The following GABRB3 variants were observed in gnomAD, a reference collection of about 807,000 sequenced individuals.
GABRB3 encodes the protein gamma-aminobutyric acid receptor subunit beta-3.
Under a neutral mutation model 52.1 loss-of-function variants are expected in GABRB3, and 14 were observed. That is an observed-to-expected ratio of 0.27 (90% confidence interval 0.18 to 0.42). The LOEUF (loss-of-function observed/expected upper bound fraction) is 0.42, where lower values mean the gene tolerates loss of function less well. Among genes scored for constraint, GABRB3 ranks in the 10% least tolerant of loss-of-function variants. GABRB3 has a pLI of 1.00. For missense variants in GABRB3, 307 were observed against 609.1 expected (o/e 0.50, Z 5.22); for synonymous variants, 260 against 232.3 (o/e 1.12, Z -1.08).
chr15:26,603,442 T>A (rs1595474250), intron 4 of GABRB3, among the ~76,000 whole-genome samples: 1 of 151,332 alleles, frequency 6.6e-6, no homozygotes, highest in Non-Finnish European at 1.5e-5. Flanking sequence ...ACCAGAAAAA[T>A]ATATACAAAA....
At chr15:26,572,711 C>T (rs1477220576) in intron 6 of GABRB3, among the ~76,000 whole-genome samples, 1 of 152,150 alleles carries the variant, frequency 6.6e-6, no homozygotes, top group Non-Finnish European at 1.5e-5. Flanking sequence ...TAAGACATCC[C>T]TTTTAAAATG....
chr15:26,568,500 CTTTT>C (rs11419760), intron 6 of GABRB3, among the ~76,000 whole-genome samples: 26,159 of 137,698 alleles, frequency 0.19, 2,888 homozygotes, highest in Admixed American at 0.26. Flanking sequence ...GTTTTCCTTT[CTTTT>C]TTTTTTTTTT....
intron 4 of GABRB3, chr15:26,612,355 T>A (rs1469731083): frequency 6.6e-6 from 1 of 152,080 alleles, no homozygotes; most frequent in African/African-American, 2.4e-5. Flanking sequence ...AACTAAACTG[T>A]TGAAAATAAT....
intron 3 of GABRB3, among the ~76,000 whole-genome samples, chr15:26,643,550 G>A (rs972310303): frequency 3.3e-5 from 5 of 150,826 alleles, no homozygotes; most frequent in South Asian, 2.1e-4. Context: ...AGAGGTCAAC[G>A]CTCCTATCAT....
rs533291741 is a variant in GABRB3 at position 26,546,340 on chromosome 15, G to A, written c.*1453C>T. 5.9e-5 allele frequency: 9 copies of A among 152,032 alleles called. No individual in the cohort carries two copies. Among genetic ancestry groups the A allele is most frequent in the Admixed American group, 1.3e-4 (2 of 15,234 alleles). The allele number at this position is 152,032 out of a possible 1,614,324, so 9.4% of individuals were successfully genotyped here. On this transcript the variant is annotated 3_prime_UTR_variant, in exon 9 of 9. Transcript: ENST00000311550. ...TCTTTAGAAAGATCTCATCTAAATA[G>A]TAAGTTAAGGTTGCGTCTATGAAAC...
chr15:26,734,908 C>A (rs1890027203), intron 3 of GABRB3, among the ~76,000 whole-genome samples: 1 of 152,062 alleles, frequency 6.6e-6, no homozygotes, highest in Non-Finnish European at 1.5e-5. Context: ...ACAGCAAGAA[C>A]CAGTCAAAAC....
intron 6 of GABRB3, among the ~76,000 whole-genome samples, chr15:26,579,854 G>C (rs1280438637): frequency 6.6e-6 from 1 of 152,066 alleles, no homozygotes; most frequent in Non-Finnish European, 1.5e-5. Context: ...ATGTCTAATG[G>C]GGCAAGGCGG....
intron 3 of GABRB3, among the ~76,000 whole-genome samples, chr15:26,648,930 C>A (rs1887103419): frequency 6.6e-6 from 1 of 152,010 alleles, no homozygotes; most frequent in African/African-American, 2.4e-5. Flanking sequence ...GGGGTGCCTG[C>A]AGAGTGGGTG....
At chr15:26,654,634 AC>A (rs1349363110) in intron 3 of GABRB3, among the ~76,000 whole-genome samples, 22 of 152,106 alleles carry the variant, frequency 1.4e-4, no homozygotes, top group African/African-American at 4.8e-4. Flanking sequence ...GGTGGCACAC[AC>A]CTGTAGTCCC....
rs547432876 is a variant in GABRB3 at position 26,767,910 on chromosome 15, T to G, written c.240+4492A>C. 1.4e-4 allele frequency among the ~76,000 whole-genome samples: 22 copies of G among 152,314 alleles called. No individual in the cohort carries two copies. The East Asian group carries it at 4.0e-3, about 28-fold the overall frequency. On this transcript the variant is annotated intron_variant, in intron 3 of 8. Transcript: ENST00000311550. Reference sequence around the variant, plus strand: ...TAGTGCAAATGTGTGTGTGTGTGATTTTTGTACATGGGTATGACTGTATCC... The same window carrying G: ...TAGTGCAAATGTGTGTGTGTGTGATGTTTGTACATGGGTATGACTGTATCC...
chr15:26,656,882 C>G (rs1473610853), intron 3 of GABRB3: 1 of 152,190 alleles, frequency 6.6e-6, no homozygotes, highest in Non-Finnish European at 1.5e-5. Context: ...TTTTGAGATC[C>G]TTGTTGATCT....
chr15:26,770,920 T>C (rs1314322633), intron 3 of GABRB3, among the ~76,000 whole-genome samples: 1 of 152,238 alleles, frequency 6.6e-6, no homozygotes, highest in Non-Finnish European at 1.5e-5. Context: ...TACTGTAAGG[T>C]AATTTATGCA....
chr15:26,637,635 A>C (rs1255956584), intron 3 of GABRB3, among the ~76,000 whole-genome samples: 1 of 152,190 alleles, frequency 6.6e-6, no homozygotes, highest in African/African-American at 2.4e-5. Context: ...AGATTGGTTG[A>C]TAGCCTTGGA....
At chr15:26,680,851 T>G (rs1005733778) in intron 3 of GABRB3, among the ~76,000 whole-genome samples, 3 of 152,170 alleles carry the variant, frequency 2.0e-5, no homozygotes, top group African/African-American at 7.2e-5. Flanking sequence ...GAGGGGTTTG[T>G]TGTCAAACTC....
intron 3 of GABRB3, among the ~76,000 whole-genome samples, chr15:26,628,551 C>A (rs1018940774): frequency 6.6e-6 from 1 of 152,154 alleles, no homozygotes; most frequent in African/African-American, 2.4e-5. Context: ...TGATCTAAAC[C>A]TAGAAGTAAA....
intron 8 of GABRB3, among the ~76,000 whole-genome samples, chr15:26,555,356 G>T (rs990470540): frequency 2.0e-5 from 3 of 152,128 alleles, no homozygotes; most frequent in African/African-American, 7.2e-5. Context: ...AACTGCACAG[G>T]GAGAATGAAG....
chr15:26,663,394 G>A (rs117781964), intron 3 of GABRB3, among the ~76,000 whole-genome samples: 1,554 of 152,192 alleles, frequency 0.01, 19 homozygotes, highest in Middle Eastern at 0.027. Context: ...TTGGTATCAC[G>A]AATTTCATGG....
chr15:26,754,882 C>G (rs1890613980), intron 3 of GABRB3, among the ~76,000 whole-genome samples: 1 of 152,144 alleles, frequency 6.6e-6, no homozygotes, highest in African/African-American at 2.4e-5. Flanking sequence ...CACTCAAACA[C>G]CCGAGGGGTC....
rs377215030 is a variant in GABRB3, at chr15:26,547,873, T to C, written c.1342A>G (p.Ile448Val). The change falls in exon 9 of 9, where the codon ATA (isoleucine) becomes GTA (valine). Residue 448 changes from isoleucine (I) to valine (V), a missense_variant. Coordinates refer to ENST00000311550, the MANE Select transcript of GABRB3 (RefSeq NM_000814.6). ...AACACGATCCTGGACCATCTGTCTA[T>C]GGCATTCACATCGGTTAGATCAGGT... is the stretch of plus-strand genomic sequence containing the variant. Reference protein sequence around the residue: ...KIPDLTDVNAIDRWSRIVFPF... With the variant: ...KIPDLTDVNAVDRWSRIVFPF... 1.7e-5 allele frequency: 28 copies of C among 1,614,102 alleles called. No homozygotes were observed. Among genetic ancestry groups the C allele is most frequent in the Admixed American group, 6.7e-5 (4 of 60,010 alleles).
Sources: gnomAD v4.1 joint callset for allele counts (sites outside exome capture counted in the v4.1 genomes callset) on GRCh38, gnomAD v4.1.1 for gene constraint, MANE v1.5 for transcripts, NCBI Gene and HGNC (gene_info 2026-07-23, HGNC 2026-07-21) for gene names.